GRAMD4: variants seen among roughly 807,000 people sequenced by gnomAD.
GRAMD4 encodes the protein GRAM domain-containing protein 4.
In GRAMD4, 25 loss-of-function variants were observed where a neutral mutation model predicts 83.9. The observed-to-expected ratio is 0.30, with a 90% CI of 0.22 to 0.42. The LOEUF (loss-of-function observed/expected upper bound fraction) is 0.42. Ranked by LOEUF, GRAMD4 falls within the 10% of genes least tolerant of loss-of-function variation. The pLI, the probability that GRAMD4 is intolerant of heterozygous loss-of-function variation, is 1.00. For synonymous variants in GRAMD4, 336 were observed against 320.9 expected, an observed-to-expected ratio of 1.05 and a Z score of -0.50; for missense variants, 593 against 788.7, an observed-to-expected ratio of 0.75 and a Z score of 2.97.
chr22:46,653,978 C>T (rs1051657589), intron 3 of GRAMD4, among the ~76,000 whole-genome samples: 2 of 152,218 alleles, frequency 1.3e-5, no homozygotes, highest in African/African-American at 4.8e-5. Context: ...TCTCTGAACC[C>T]TCCCCAGCTG....
chr22:46,598,696 G>T (rs192745211), intron 1 of GRAMD4, among the ~76,000 whole-genome samples: 1 of 152,236 alleles, frequency 6.6e-6, no homozygotes, highest in East Asian at 1.9e-4. Context: ...GACAGGGCCT[G>T]TGGTGCAGCT....
At chr22:46,647,825 G>A (rs1358426887) in intron 3 of GRAMD4, among the ~76,000 whole-genome samples, 2 of 152,258 alleles carry the variant, frequency 1.3e-5, no homozygotes, top group Non-Finnish European at 2.9e-5. Context: ...CACCTCATCT[G>A]TAGATGAGGC....
At chr22:46,596,876 C>T (rs981816955) in intron 1 of GRAMD4, among the ~76,000 whole-genome samples, 28 of 152,170 alleles carry the variant, frequency 1.8e-4, no homozygotes. Flanking sequence ...AAATAGCATT[C>T]TTTTGTCCTC....
chr22:46,678,468 C>G lies in GRAMD4; in HGVS notation c.*1217C>G, dbSNP rs776890016. 1.5e-5 allele frequency: 15 copies of G among 985,290 alleles called. No homozygotes were observed. Among genetic ancestry groups the G allele is most frequent in the Admixed American group, 6.1e-5 (1 of 16,280 alleles). The allele number at this position is 985,290 out of a possible 1,614,324, so 61.0% of individuals were successfully genotyped here. ...AGGTGGCATTTGTGGAGGGAGCGCC[C>G]GCAGGCCTGGTCTGCTGGGGCCGCC... On this transcript the variant is annotated 3_prime_UTR_variant, in exon 19 of 19. Transcript: ENST00000406902.
At chr22:46,666,021 C>G (rs2082403545) in intron 9 of GRAMD4, among the ~76,000 whole-genome samples, 1 of 152,248 alleles carries the variant, frequency 6.6e-6, no homozygotes, top group Non-Finnish European at 1.5e-5. Context: ...GTGGGTGAAG[C>G]AAACAGGGCT....
chr22:46,595,851 C>T (rs562435245), intron 1 of GRAMD4, among the ~76,000 whole-genome samples: 2 of 152,384 alleles, frequency 1.3e-5, no homozygotes, highest in South Asian at 4.1e-4. Flanking sequence ...CCGGCCTTAA[C>T]ACCCAGTGCT....
intron 1 of GRAMD4, among the ~76,000 whole-genome samples, chr22:46,587,548 G>A (rs971276781): frequency 4.6e-5 from 7 of 151,904 alleles, no homozygotes; most frequent in South Asian, 2.1e-4. Flanking sequence ...AAAGGCTTGA[G>A]GGGGAGGGCC....
At position 46,678,541 on chromosome 22, in the gene GRAMD4, A is replaced by T. The variant is rs1297326350; in HGVS notation, c.*1290A>T. 1.0e-6 allele frequency: 1 copy of T among 985,128 alleles called. No homozygotes were observed. Among genetic ancestry groups the T allele is most frequent in the East Asian group, 1.1e-4 (1 of 8,808 alleles). The allele number at this position is 985,128 out of a possible 1,614,324, so 61.0% of individuals were successfully genotyped here. A position where few individuals can be genotyped will look rare whatever the true frequency, so the allele number is the denominator to read the frequency against. ...AAGGCGGCTTGGGCCTCCTGGAAGG[A>T]GGTGGCCACCCCGCGGGCCTGCGTG... On this transcript the variant is annotated 3_prime_UTR_variant, in exon 19 of 19. Transcript: ENST00000406902.
rs780421354 is a variant in GRAMD4, at chr22:46,677,274, C to T, written c.*23C>T. 8.3e-6 allele frequency: 13 copies of T among 1,571,760 alleles called. No homozygotes were observed. The Admixed American group carries it at 2.6e-4, about 31-fold the overall frequency. The stretch of plus-strand genomic sequence containing the variant: ...TAGTATTGACTTGCCCAGGACGTTG[C>T]TGGAATTTTCTTTTTCTTTTTCTTT... On this transcript the variant is annotated 3_prime_UTR_variant, in exon 19 of 19. Transcript: ENST00000406902.
chr22:46,625,062 G>A (rs1402299558), intron 1 of GRAMD4, among the ~76,000 whole-genome samples: 2 of 151,778 alleles, frequency 1.3e-5, no homozygotes, highest in Non-Finnish European at 2.9e-5. Context: ...GGGTTTCACC[G>A]TGTCAGCCAA....
chr22:46,638,221 G>T (rs372971840), intron 3 of GRAMD4, among the ~76,000 whole-genome samples: 7 of 152,378 alleles, frequency 4.6e-5, no homozygotes, highest in African/African-American at 1.7e-4. Flanking sequence ...GGCTGGGGGC[G>T]TGGGGGCCTT....
At chr22:46,612,643 A>G (rs1036144500) in intron 1 of GRAMD4, among the ~76,000 whole-genome samples, 2 of 152,132 alleles carry the variant, frequency 1.3e-5, no homozygotes, top group African/African-American at 4.8e-5. Flanking sequence ...TGCCCCTGCT[A>G]CCTCTACCTA....
chr22:46,612,667 C>G (rs930493044), intron 1 of GRAMD4, among the ~76,000 whole-genome samples: 8 of 152,210 alleles, frequency 5.3e-5, no homozygotes, highest in African/African-American at 1.9e-4. Flanking sequence ...ACCTGGAAAC[C>G]GAGGGTTAGG....
At chr22:46,647,281 A>T (rs1416425296) in intron 3 of GRAMD4, among the ~76,000 whole-genome samples, 4 of 152,202 alleles carry the variant, frequency 2.6e-5, no homozygotes, top group African/African-American at 9.7e-5. Flanking sequence ...CCCTAGGAAA[A>T]AATGAAGTTG....
rs773651354 is a variant in GRAMD4, at chr22:46,626,774, T to A, written c.-26T>A. ...AGGGAACCCGAGCGTCATGTTAGGG[T>A]GAAGCAGAGGACCTCAGTGCTGAAC... On this transcript the variant is annotated 5_prime_UTR_variant, in exon 2 of 19. It removes the in-frame stop codon of an upstream open reading frame in the 5' UTR. Transcript: ENST00000406902. 2 of 1,608,492 alleles carry A rather than the reference T, an allele frequency of 1.2e-6. No individual in the cohort carries two copies. The highest frequency in any genetic ancestry group is 1.7e-6 in the Non-Finnish European group (2 of 1,175,914).
At chr22:46,620,243 A>C, upstream of GRAMD4, 2 of 909,918 alleles carry the variant, frequency 2.2e-6, no homozygotes, top group Non-Finnish European at 2.6e-6. The surrounding 1 kb of genome is among the most constrained non-coding windows in gnomAD (Gnocchi z 4.7). Flanking sequence ...CCAGAGCAGC[A>C]TGCTTTTGTG....
chr22:46,626,649 G>A (rs1396102847), intron 1 of GRAMD4, 102 bp from the exon 2 acceptor site: 1 of 700,326 alleles, frequency 1.4e-6, no homozygotes, highest in Non-Finnish European at 2.3e-6. Context: ...CTGGGTCGGG[G>A]TTTTCTTTGG....
intron 3 of GRAMD4, among the ~76,000 whole-genome samples, chr22:46,641,208 G>A (rs2081971022): frequency 2.0e-5 from 3 of 152,148 alleles, no homozygotes; most frequent in South Asian, 4.1e-4. Flanking sequence ...GAGTAGCTGG[G>A]ATTACAGGCA....
chr22:46,604,471 C>G (rs1301244065), intron 1 of GRAMD4, among the ~76,000 whole-genome samples: 1 of 152,156 alleles, frequency 6.6e-6, no homozygotes, highest in Non-Finnish European at 1.5e-5. Context: ...TCACACTGTT[C>G]TGCAACCGTC....
Sources: allele counts gnomAD v4.1 joint callset (sites outside exome capture counted in the v4.1 genomes callset), GRCh38; gene constraint gnomAD v4.1.1; non-coding constraint Gnocchi (gnomAD v3.1); transcripts MANE v1.5; gene names NCBI Gene and HGNC (gene_info 2026-07-23, HGNC 2026-07-21).